NEBL: variants seen among roughly 807,000 people sequenced by gnomAD.
The protein encoded by NEBL is nebulette.
Under a neutral mutation model 140.2 loss-of-function variants are expected in NEBL, and 122 were observed. The ratio of observed to expected loss-of-function variants is 0.87; its 90% CI spans 0.75 to 1.01. The LOEUF is 1.01. Ranked by LOEUF, NEBL falls within the 50% of genes least tolerant of loss-of-function variation. The pLI is 0.00. For missense variants in NEBL, 1,365 were observed against 1,231.3 expected (o/e 1.11, Z -1.62); for synonymous variants, 436 against 398.9 (o/e 1.09, Z -1.11).
chr10:21,154,624 A>G (rs538923984), intron 2 of NEBL, among the ~76,000 whole-genome samples: 1 of 152,292 alleles, frequency 6.6e-6, no homozygotes, highest in East Asian at 1.9e-4. Flanking sequence ...CAAACTCTAC[A>G]CATTATCCAA....
At chr10:21,200,294 C>T (rs2132226102) in intron 3 of NEBL, among the ~76,000 whole-genome samples, 1 of 140,666 alleles carries the variant, frequency 7.1e-6, no homozygotes. Flanking sequence ...TGTGAAGTGA[C>T]ATATTCCAAG....
At chr10:20,853,932 T>C (rs924302191) in intron 9 of NEBL, among the ~76,000 whole-genome samples, 3 of 152,222 alleles carry the variant, frequency 2.0e-5, no homozygotes, top group Non-Finnish European at 2.9e-5. Flanking sequence ...CTTGAACTGA[T>C]GGATACCTCA....
chr10:21,061,128 A>G (rs1589190089), intron 2 of NEBL, among the ~76,000 whole-genome samples: 1 of 151,906 alleles, frequency 6.6e-6, no homozygotes, highest in Non-Finnish European at 1.5e-5. Context: ...TAAAAAGGGG[A>G]GCATGTCCCC....
rs529818403 is a variant in NEBL at position 20,914,831 on chromosome 10, A to G, written c.357+46841T>C. On this transcript the variant is annotated intron_variant, in intron 4 of 6. Coordinates refer to the NEBL transcript ENST00000417816. ...TACATTGAGGGTAATGGTTCTCAAG[A>G]TGTATTTTTCATATATTTTCTGGGG... 7.8e-4 allele frequency among the ~76,000 whole-genome samples: 119 copies of G among 152,096 alleles called. 1 individual carries two copies. The highest frequency in any genetic ancestry group is 2.8e-3 in the African/African-American group (117 of 41,524).
At chr10:21,156,193 G>C (rs527642715) in intron 2 of NEBL, among the ~76,000 whole-genome samples, 2 of 152,206 alleles carry the variant, frequency 1.3e-5, no homozygotes, top group Non-Finnish European at 2.9e-5. Flanking sequence ...TGTAATTTGC[G>C]AGAAGTAGCT....
intron 2 of NEBL, among the ~76,000 whole-genome samples, chr10:21,062,937 AG>A (rs1465985749): frequency 1.3e-5 from 2 of 152,156 alleles, no homozygotes; most frequent in African/African-American, 4.8e-5. Flanking sequence ...CGAGCGGCCA[AG>A]CTGTGGGCTA....
chr10:20,820,519 G>T (rs918325596), intron 19 of NEBL, among the ~76,000 whole-genome samples: 1 of 152,150 alleles, frequency 6.6e-6, no homozygotes, highest in Non-Finnish European at 1.5e-5. Context: ...AAGACCTGCA[G>T]GGCCTGCTGA....
intron 3 of NEBL, among the ~76,000 whole-genome samples, chr10:20,973,645 C>T (rs924217294): frequency 6.6e-6 from 1 of 152,188 alleles, no homozygotes; most frequent in African/African-American, 2.4e-5. Flanking sequence ...GCCTCTTTCT[C>T]TTCACGTAGA....
intron 1 of NEBL, among the ~76,000 whole-genome samples, chr10:21,262,083 C>T (rs568989623): frequency 7.2e-5 from 11 of 152,326 alleles, no homozygotes; most frequent in South Asian, 2.1e-4. Flanking sequence ...TAAAATAAAA[C>T]AGACTTTGTC....
chr10:21,070,959 T>C (rs1246068119), intron 2 of NEBL, among the ~76,000 whole-genome samples: 1 of 152,038 alleles, frequency 6.6e-6, no homozygotes, highest in Non-Finnish European at 1.5e-5. Context: ...GGAGGATCTC[T>C]TGAGGCCAGG....
intron 2 of NEBL, among the ~76,000 whole-genome samples, chr10:21,086,784 A>C (rs955989387): frequency 2.0e-5 from 3 of 152,170 alleles, no homozygotes; most frequent in African/African-American, 7.2e-5. Flanking sequence ...CTCAAAAATA[A>C]AAATAAAAAT....
At chr10:21,172,577 G>A (rs1384996052) in intron 1 of NEBL, 1 of 806,074 alleles carries the variant, frequency 1.2e-6, no homozygotes, top group Non-Finnish European at 2.1e-6. Flanking sequence ...AGTCCCTGTA[G>A]CTGAAAATAT....
chr10:21,079,918 C>T (rs1171017352), intron 2 of NEBL, among the ~76,000 whole-genome samples: 1 of 152,166 alleles, frequency 6.6e-6, no homozygotes, highest in East Asian at 1.9e-4. Context: ...CACTAGAAGC[C>T]TTGAACAATG....
chr10:20,844,325 A>G (rs546366253), intron 12 of NEBL, among the ~76,000 whole-genome samples: 1 of 151,678 alleles, frequency 6.6e-6, no homozygotes, highest in Non-Finnish European at 1.5e-5. Flanking sequence ...ATGAAATTTC[A>G]TATGTATGTA....
intron 3 of NEBL, chr10:21,217,891 A>G (rs1358922229): frequency 6.6e-6 from 1 of 152,344 alleles, no homozygotes; most frequent in African/African-American, 2.4e-5. Flanking sequence ...GACTTACTCT[A>G]AGGGTGCAAC....
chr10:20,807,263 C>T (rs1243258882), intron 26 of NEBL, among the ~76,000 whole-genome samples: 1 of 152,148 alleles, frequency 6.6e-6, no homozygotes, highest in African/African-American at 2.4e-5. Context: ...GAGGTGAAGG[C>T]TGCAGTGAGC....
chr10:21,011,888 C>A (rs574988871), intron 3 of NEBL, among the ~76,000 whole-genome samples: 11 of 152,318 alleles, frequency 7.2e-5, no homozygotes, highest in African/African-American at 2.6e-4. Flanking sequence ...ACCTCAGCAT[C>A]CTTCTACAAG....
chr10:20,892,157 C>T (rs1162713139), intron 2 of NEBL, among the ~76,000 whole-genome samples: 1 of 152,218 alleles, frequency 6.6e-6, no homozygotes, highest in African/African-American at 2.4e-5. Context: ...GGCTCCTGCC[C>T]AGCCCCAGAG....
At chr10:20,983,190 T>A (rs1470482725) in intron 3 of NEBL, among the ~76,000 whole-genome samples, 2 of 152,182 alleles carry the variant, frequency 1.3e-5, no homozygotes. Flanking sequence ...AAAATCAAAT[T>A]AGATAATCTC....
Sources: gnomAD v4.1 joint callset for allele counts (sites outside exome capture counted in the v4.1 genomes callset) on GRCh38, gnomAD v4.1.1 for gene constraint, MANE v1.5 for transcripts, NCBI Gene and HGNC (gene_info 2026-07-23, HGNC 2026-07-21) for gene names.